The following PDE11A variants were observed in gnomAD, a reference collection of about 807,000 sequenced individuals.
PDE11A encodes the protein phosphodiesterase 11A.
Under a neutral mutation model 100.5 loss-of-function variants are expected in PDE11A, and 100 were observed. The observed-to-expected ratio is 1.00, with a 90% CI of 0.85 to 1.18. The LOEUF (loss-of-function observed/expected upper bound fraction) is 1.18, where lower values mean the gene tolerates loss of function less well. Ranked by LOEUF, PDE11A falls within the 50% of genes most tolerant of loss-of-function variation. The pLI, the probability that PDE11A is intolerant of heterozygous loss-of-function variation, is 0.00. For synonymous variants in PDE11A, 381 were observed against 420.8 expected, an observed-to-expected ratio of 0.91 and a Z score of 1.16; for missense variants, 1,141 against 1,152.6, an observed-to-expected ratio of 0.99 and a Z score of 0.15.
intron 5 of PDE11A, among the ~76,000 whole-genome samples, chr2:177,848,836 G>T (rs921104783): frequency 2.0e-5 from 3 of 152,164 alleles, no homozygotes; most frequent in Non-Finnish European, 1.5e-5. Context: ...TTAATTGTCT[G>T]AAAGTCCTGG....
chr2:177,927,047 T>C (rs1013511927), intron 2 of PDE11A: 2 of 152,266 alleles, frequency 1.3e-5, no homozygotes, highest in African/African-American at 4.8e-5. Context: ...TGCCTTCAGG[T>C]CAGGGCATTC....
chr2:177,724,380 A>G (rs2081570613), intron 12 of PDE11A, among the ~76,000 whole-genome samples: 1 of 152,018 alleles, frequency 6.6e-6, no homozygotes, highest in African/African-American at 2.4e-5. Flanking sequence ...CATGAACCTG[A>G]ATACTTTTGC....
chr2:177,863,820 C>T (rs1445366741), intron 5 of PDE11A, among the ~76,000 whole-genome samples: 1 of 152,000 alleles, frequency 6.6e-6, no homozygotes, highest in East Asian at 1.9e-4. Flanking sequence ...CCCTATGACC[C>T]AGCAACCCCT....
At chr2:177,845,465 G>C (rs1261042398) in intron 5 of PDE11A, among the ~76,000 whole-genome samples, 2 of 151,498 alleles carry the variant, frequency 1.3e-5, no homozygotes, top group Non-Finnish European at 2.9e-5. Context: ...TCACTTCCTA[G>C]ATGTGATGGC....
At position 177,838,433 on chromosome 2, in the gene PDE11A, A is replaced by AT. The variant is rs1050370369; in HGVS notation, c.1500+1817dup. ...AGGAAAATAAGCACTTAAATGAAAT[A>AT]TTTTTTTAAAAGAAAGACAAAAGCT... On this transcript the variant is annotated intron_variant, in intron 6 of 19. Transcript: ENST00000286063. Among the ~76,000 whole-genome samples, 108 of 152,174 alleles carry AT rather than the reference A, an allele frequency of 7.1e-4. 2 individuals carry two copies. Among genetic ancestry groups the AT allele is most frequent in the Admixed American group, 5.2e-4 (8 of 15,306 alleles).
intron 9 of PDE11A, among the ~76,000 whole-genome samples, chr2:177,801,280 C>T (rs1263557251): frequency 6.6e-6 from 1 of 152,054 alleles, no homozygotes; most frequent in Non-Finnish European, 1.5e-5. Flanking sequence ...ATAAATTTAT[C>T]TTGCTAATTT....
intron 1 of PDE11A, among the ~76,000 whole-genome samples, chr2:178,035,202 C>T (rs1200434077): frequency 2.6e-5 from 4 of 152,046 alleles, no homozygotes; most frequent in South Asian, 2.1e-4. Flanking sequence ...GATATCACCA[C>T]TGATCCCACA....
intron 2 of PDE11A, among the ~76,000 whole-genome samples, chr2:177,954,260 T>TG (rs952258731): frequency 5.3e-5 from 8 of 151,932 alleles, no homozygotes; most frequent in Admixed American, 1.3e-4. Context: ...GTACTTCTAA[T>TG]GGGGGGGAAA....
At chr2:177,964,149 T>C (rs900000676) in intron 2 of PDE11A, among the ~76,000 whole-genome samples, 1 of 5,800 alleles carries the variant, frequency 1.7e-4, no homozygotes, top group South Asian at 0.013. Flanking sequence ...GTTTTGTTTG[T>C]TTGGTTTTTT....
At chr2:177,936,950 T>C (rs965844939) in intron 2 of PDE11A, among the ~76,000 whole-genome samples, 20 of 152,164 alleles carry the variant, frequency 1.3e-4, no homozygotes, top group Admixed American at 1.0e-3. Context: ...GGGATACTTT[T>C]ATTAAATATT....
intron 1 of PDE11A, among the ~76,000 whole-genome samples, chr2:178,030,653 A>T (rs1435077429): frequency 6.6e-6 from 1 of 152,098 alleles, no homozygotes; most frequent in Non-Finnish European, 1.5e-5. Context: ...ACACAGAAAG[A>T]TTGCTTGAGC....
intron 9 of PDE11A, among the ~76,000 whole-genome samples, chr2:177,770,705 T>C (rs1193720903): frequency 1.3e-5 from 2 of 152,222 alleles, no homozygotes; most frequent in East Asian, 1.9e-4. Flanking sequence ...CCCAGAATTC[T>C]TGTTGTGTGA....
intron 1 of PDE11A, among the ~76,000 whole-genome samples, chr2:178,020,296 G>A (rs759734382): frequency 2.6e-5 from 4 of 152,132 alleles, no homozygotes; most frequent in East Asian, 3.9e-4. Flanking sequence ...GTCTCTTACC[G>A]ACCAAAACTC....
intron 9 of PDE11A, among the ~76,000 whole-genome samples, chr2:177,807,757 T>C (rs1172419623): frequency 6.6e-6 from 1 of 152,168 alleles, no homozygotes; most frequent in African/African-American, 2.4e-5. Context: ...CTAAGACAAA[T>C]ATTGTATATG....
At chr2:177,796,319 G>T (rs1452958352) in intron 9 of PDE11A, among the ~76,000 whole-genome samples, 1 of 152,024 alleles carries the variant, frequency 6.6e-6, no homozygotes, top group Non-Finnish European at 1.5e-5. Flanking sequence ...TATATTCCAG[G>T]TACCTGGGAT....
intron 9 of PDE11A, among the ~76,000 whole-genome samples, chr2:177,795,961 A>G (rs1050098055): frequency 3.2e-5 from 4 of 126,474 alleles, no homozygotes; most frequent in African/African-American, 1.4e-4. Context: ...ATATATATAT[A>G]TATATATATA....
intron 9 of PDE11A, among the ~76,000 whole-genome samples, chr2:177,773,873 C>T (rs1305596287): frequency 6.6e-6 from 1 of 152,210 alleles, no homozygotes; most frequent in Non-Finnish European, 1.5e-5. Flanking sequence ...GCATTGTTCC[C>T]TCTAAGAATC....
chr2:177,705,314 T>A (rs1256118480), intron 13 of PDE11A, among the ~76,000 whole-genome samples: 2 of 152,178 alleles, frequency 1.3e-5, no homozygotes, highest in African/African-American at 4.8e-5. Flanking sequence ...GCTAAGTATA[T>A]CCATCATATA....
chr2:177,776,292 A>C (rs1346735238), intron 9 of PDE11A, among the ~76,000 whole-genome samples: 1 of 152,204 alleles, frequency 6.6e-6, no homozygotes, highest in Non-Finnish European at 1.5e-5. Context: ...TCTGAAATTC[A>C]AATGTACTTA....
Sources: gnomAD v4.1 joint callset for allele counts (sites outside exome capture counted in the v4.1 genomes callset) on GRCh38, gnomAD v4.1.1 for gene constraint, MANE v1.5 for transcripts, NCBI Gene and HGNC (gene_info 2026-07-23, HGNC 2026-07-21) for gene names.